AGBL4: variants seen among roughly 807,000 people sequenced by gnomAD.
The protein encoded by AGBL4 is cytosolic carboxypeptidase 6.
In AGBL4, 58 loss-of-function variants were observed where a neutral mutation model predicts 66.4. The observed-to-expected ratio is 0.87, with a 90% confidence interval of 0.71 to 1.09. The LOEUF is 1.09. Among genes scored for constraint, AGBL4 ranks in the 50% least tolerant of loss-of-function variants. The pLI is 0.00. For missense variants in AGBL4, 579 were observed against 631.0 expected, an observed-to-expected ratio of 0.92 and a Z score of 0.88; for synonymous variants, 234 against 222.9, an observed-to-expected ratio of 1.05 and a Z score of -0.44.
intron 3 of AGBL4, among the ~76,000 whole-genome samples, chr1:49,311,720 TA>T (rs1644944853): frequency 6.6e-6 from 1 of 152,044 alleles, no homozygotes; most frequent in Admixed American, 6.6e-5. Flanking sequence ...ATTTCAAAGA[TA>T]TTTTTAGAAT....
intron 3 of AGBL4, among the ~76,000 whole-genome samples, chr1:49,568,933 G>A (rs559602823): frequency 8.5e-5 from 13 of 152,280 alleles, no homozygotes; most frequent in East Asian, 5.8e-4. Context: ...GCACTCCCGC[G>A]TTTGTTACAA....
At chr1:49,973,706 CATATT>C (rs1006654366) in intron 1 of AGBL4, among the ~76,000 whole-genome samples, 1 of 147,866 alleles carries the variant, frequency 6.8e-6, no homozygotes, top group Non-Finnish European at 1.5e-5. Context: ...TGTTATATAT[CATATT>C]ATATATTGTA....
At chr1:48,685,411 C>T (rs567582304) in intron 6 of AGBL4, among the ~76,000 whole-genome samples, 1 of 152,170 alleles carries the variant, frequency 6.6e-6, no homozygotes, top group Non-Finnish European at 1.5e-5. Context: ...GAAGACTTCT[C>T]TTCAGCCTTC....
chr1:49,676,333 T>G (rs1646578470), intron 3 of AGBL4, among the ~76,000 whole-genome samples: 2 of 152,012 alleles, frequency 1.3e-5, no homozygotes, highest in African/African-American at 4.8e-5. Context: ...TATAAGATGA[T>G]CCAGGCATTG....
At chr1:48,655,586 G>A (rs2148446021) in intron 7 of AGBL4, among the ~76,000 whole-genome samples, 1 of 152,320 alleles carries the variant, frequency 6.6e-6, no homozygotes, top group East Asian at 1.9e-4. Context: ...AGACTGTTGT[G>A]TACCTGTATC....
chr1:48,590,850 C>A lies in AGBL4; in HGVS notation c.1087G>T (p.Ala363Ser). 6.2e-7 allele frequency: 1 copy of A among 1,603,018 alleles called. No individual in the cohort carries two copies. The highest frequency in any genetic ancestry group is 8.5e-7 in the Non-Finnish European group (1 of 1,174,664). ...AIFPKLLCQN[A>S]EDFSYSSTSF... ...TGGCTTACATAGGAGAAGTCCTCAG[C>A]ATTCTGGCAGAGGAGCTTGGGAAAA... The change falls in exon 10 of 14, where the codon GCT becomes TCT. Residue 363 changes from alanine (A) to serine (S), a missense_variant. Transcript: ENST00000371839.
intron 1 of AGBL4, among the ~76,000 whole-genome samples, chr1:49,947,060 A>T (rs1028744379): frequency 6.6e-6 from 1 of 151,016 alleles, no homozygotes; most frequent in Non-Finnish European, 1.5e-5. Context: ...TGAAATGGTA[A>T]TTAAAAAAAA....
At chr1:49,681,538 T>C (rs1646693459) in intron 3 of AGBL4, among the ~76,000 whole-genome samples, 1 of 152,168 alleles carries the variant, frequency 6.6e-6, no homozygotes, top group Admixed American at 6.6e-5. Flanking sequence ...TCACATTATT[T>C]TGCAAGTCCT....
At chr1:49,053,259 A>G (rs985018262) in intron 4 of AGBL4, among the ~76,000 whole-genome samples, 2 of 152,210 alleles carry the variant, frequency 1.3e-5, no homozygotes, top group African/African-American at 4.8e-5. Flanking sequence ...ATATATGCTT[A>G]TTAACTAAAA....
chr1:48,845,695 A>C (rs1646893421), intron 6 of AGBL4, among the ~76,000 whole-genome samples: 1 of 152,206 alleles, frequency 6.6e-6, no homozygotes, highest in African/African-American at 2.4e-5. Context: ...TTAAGTAAAG[A>C]GCATCTATAT....
At chr1:49,304,422 T>A (rs1644812824) in intron 3 of AGBL4, among the ~76,000 whole-genome samples, 1 of 152,200 alleles carries the variant, frequency 6.6e-6, no homozygotes, top group African/African-American at 2.4e-5. Flanking sequence ...TTATGACACA[T>A]AAGAGGTATT....
At chr1:48,811,911 G>A (rs12032567) in intron 6 of AGBL4, among the ~76,000 whole-genome samples, 76,547 of 152,064 alleles carry the variant, frequency 0.5, 21,454 homozygotes, top group Non-Finnish European at 0.65. Context: ...CATCAAGAGG[G>A]TCTGAGATGA....
chr1:49,507,871 A>T (rs1648842660), intron 3 of AGBL4, among the ~76,000 whole-genome samples: 1 of 151,602 alleles, frequency 6.6e-6, no homozygotes. Flanking sequence ...CCACTCTGAA[A>T]CTTAAGCAAC....
intron 3 of AGBL4, among the ~76,000 whole-genome samples, chr1:49,267,745 T>C (rs1643956705): frequency 6.6e-6 from 1 of 151,800 alleles, no homozygotes; most frequent in Admixed American, 6.6e-5. Flanking sequence ...GGACTCACAG[T>C]TCCACGTGGC....
chr1:49,623,516 G>A (rs1483903465), intron 3 of AGBL4, among the ~76,000 whole-genome samples: 1 of 152,076 alleles, frequency 6.6e-6, no homozygotes, highest in East Asian at 1.9e-4. Flanking sequence ...AGTCTAGCAG[G>A]TTGATTAAAT....
intron 3 of AGBL4, among the ~76,000 whole-genome samples, chr1:49,504,809 C>A (rs1315367298): frequency 6.6e-6 from 1 of 151,902 alleles, no homozygotes; most frequent in Non-Finnish European, 1.5e-5. Context: ...CATGCTATGG[C>A]TTTTGATTGG....
chr1:49,273,256 T>G (rs1267496742), intron 3 of AGBL4, among the ~76,000 whole-genome samples: 1 of 151,910 alleles, frequency 6.6e-6, no homozygotes. Context: ...ACTTCCTAGA[T>G]TTTTCACCAG....
At chr1:49,901,093 T>G (rs1242233656) in intron 1 of AGBL4, among the ~76,000 whole-genome samples, 3 of 152,142 alleles carry the variant, frequency 2.0e-5, no homozygotes, top group African/African-American at 2.4e-5. Context: ...CTTTTATCAC[T>G]CTATAAAGAT....
chr1:49,672,815 G>C (rs1406965734), intron 3 of AGBL4, among the ~76,000 whole-genome samples: 1 of 151,508 alleles, frequency 6.6e-6, no homozygotes, highest in Non-Finnish European at 1.5e-5. Flanking sequence ...CCAGCTACTA[G>C]GGGGCTGGGG....
Sources: allele counts gnomAD v4.1 joint callset (sites outside exome capture counted in the v4.1 genomes callset), GRCh38; gene constraint gnomAD v4.1.1; transcripts MANE v1.5; gene names NCBI Gene and HGNC (gene_info 2026-07-23, HGNC 2026-07-21).